PPP2R5E: variants seen among roughly 807,000 people sequenced by gnomAD.
The protein encoded by PPP2R5E is serine/threonine-protein phosphatase 2A 56 kDa regulatory subunit epsilon isoform.
A neutral mutation model predicts 65.3 loss-of-function variants in PPP2R5E; 4 were observed. That is an observed-to-expected ratio of 0.06 (90% confidence interval 0.03 to 0.14). PPP2R5E has a LOEUF of 0.14. PPP2R5E is among the 10% of genes least tolerant of loss of function. The probability of loss-of-function intolerance (pLI) is 1.00; values close to 1 mark genes in which losing one functional copy is unlikely to be tolerated. For missense variants in PPP2R5E, 274 were observed against 556.1 expected (o/e 0.49, Z 5.10); for synonymous variants, 183 against 187.4 (o/e 0.98, Z 0.19).
chr14:63,408,980 C>T (rs1261918896), intron 5 of PPP2R5E, among the ~76,000 whole-genome samples: 5 of 152,144 alleles, frequency 3.3e-5, no homozygotes, highest in Admixed American at 6.5e-5. Context: ...GCCTGTAATT[C>T]CAGCACTTTG....
intron 2 of PPP2R5E, among the ~76,000 whole-genome samples, chr14:63,473,505 G>A (rs1379833673): frequency 2.0e-5 from 3 of 152,182 alleles, no homozygotes; most frequent in African/African-American, 7.2e-5. Context: ...AAAACAAGAA[G>A]TAAAGCTCTG....
chr14:63,493,853 T>C (rs192591204), intron 2 of PPP2R5E, among the ~76,000 whole-genome samples: 377 of 152,250 alleles, frequency 2.5e-3, no homozygotes, highest in Non-Finnish European at 3.8e-3. Context: ...TAACCAGTAA[T>C]GATGGTCAAG....
intron 2 of PPP2R5E, 103 bp downstream of exon 2, chr14:63,539,425 TC>T: frequency 1.6e-6 from 2 of 1,225,952 alleles, no homozygotes; most frequent in Non-Finnish European, 2.3e-6. Flanking sequence ...AAGTATCCCA[TC>T]CCTTCAATTT....
intron 4 of PPP2R5E, among the ~76,000 whole-genome samples, chr14:63,419,669 A>C (rs1886896907): frequency 6.6e-6 from 1 of 151,958 alleles, no homozygotes; most frequent in Admixed American, 6.6e-5. Flanking sequence ...CTAGTGACCT[A>C]AACTTTACTA....
At chr14:63,517,449 G>T (rs1892711689) in intron 2 of PPP2R5E, among the ~76,000 whole-genome samples, 1 of 120,332 alleles carries the variant, frequency 8.3e-6, no homozygotes, top group African/African-American at 5.4e-5. Context: ...TACAAGAGTG[G>T]TCATTTAAGC....
chr14:63,511,347 T>C (rs1246883419), intron 2 of PPP2R5E, among the ~76,000 whole-genome samples: 1 of 152,164 alleles, frequency 6.6e-6, no homozygotes, highest in Non-Finnish European at 1.5e-5. Flanking sequence ...TGCTGGATGA[T>C]GAGACTCACA....
chr14:63,433,864 C>T (rs1003825480), intron 3 of PPP2R5E, among the ~76,000 whole-genome samples: 1 of 152,198 alleles, frequency 6.6e-6, no homozygotes, highest in African/African-American at 2.4e-5. Flanking sequence ...GTGCATGTGA[C>T]TTGCCCTGTC....
intron 5 of PPP2R5E, among the ~76,000 whole-genome samples, chr14:63,399,366 C>CTT (rs397814218): frequency 0.061 from 2,978 of 48,500 alleles, 578 homozygotes; most frequent in Middle Eastern, 0.094. Flanking sequence ...GGATTTCTTT[C>CTT]TTTTTTTTTT....
chr14:63,378,496 T>C (rs1884118549), intron 13 of PPP2R5E, among the ~76,000 whole-genome samples: 1 of 152,232 alleles, frequency 6.6e-6, no homozygotes. Context: ...TGTTTCATGT[T>C]TTTGATCAAA....
intron 2 of PPP2R5E, among the ~76,000 whole-genome samples, chr14:63,478,456 A>T (rs1890516674): frequency 6.6e-6 from 1 of 152,206 alleles, no homozygotes; most frequent in Non-Finnish European, 1.5e-5. Context: ...AATGAGTGAG[A>T]AAAGTGGCAC....
At chr14:63,495,138 G>A (rs1891483741) in intron 2 of PPP2R5E, among the ~76,000 whole-genome samples, 1 of 151,808 alleles carries the variant, frequency 6.6e-6, no homozygotes, top group South Asian at 2.1e-4. Flanking sequence ...GGGAGGAGGA[G>A]GTTGCAGTGA....
rs78687623 is a variant in PPP2R5E at position 63,472,127 on chromosome 14, C to T, written c.158-18242G>A. On this transcript the variant is annotated intron_variant, in intron 2 of 13. Transcript: ENST00000337537. Reference sequence around the variant, plus strand: ...CCAACCTGGCCAACATGGCAAAACCCCATCTCTACCAAAAATACAAAAATT... The same window carrying T: ...CCAACCTGGCCAACATGGCAAAACCTCATCTCTACCAAAAATACAAAAATT... Among the ~76,000 whole-genome samples the T allele has an allele frequency of 8.3e-3, 1,257 of 152,280 alleles. 9 individuals are homozygous for T. The highest frequency in any genetic ancestry group is 0.014 in the Non-Finnish European group (925 of 68,014).
intron 11 of PPP2R5E, among the ~76,000 whole-genome samples, chr14:63,385,159 T>C (rs1249830363): frequency 6.6e-6 from 1 of 151,940 alleles, no homozygotes; most frequent in Non-Finnish European, 1.5e-5. Context: ...AGACCTCGCC[T>C]CTACAAAAAC....
At chr14:63,516,487 C>T in intron 2 of PPP2R5E, among the ~76,000 whole-genome samples, 1 of 152,224 alleles carries the variant, frequency 6.6e-6, no homozygotes, top group East Asian at 1.9e-4. Flanking sequence ...ATATTCTAAG[C>T]CACCTGCTGC....
At chr14:63,384,728 T>G (rs569342218) in intron 11 of PPP2R5E, among the ~76,000 whole-genome samples, 157 bp from the exon 12 acceptor site, 2 of 152,228 alleles carry the variant, frequency 1.3e-5, no homozygotes, top group East Asian at 3.9e-4. Flanking sequence ...TATATATATA[T>G]TTTTTGAGAT....
At chr14:63,493,587 A>C (rs1384328902) in intron 2 of PPP2R5E, among the ~76,000 whole-genome samples, 4 of 152,132 alleles carry the variant, frequency 2.6e-5, no homozygotes, top group African/African-American at 9.7e-5. Flanking sequence ...CAGTTGTGAC[A>C]GCAGCTAAAT....
chr14:63,409,134 G>A (rs1004925995), intron 5 of PPP2R5E, among the ~76,000 whole-genome samples: 5 of 152,202 alleles, frequency 3.3e-5, no homozygotes, highest in East Asian at 1.9e-4. Context: ...TCAGGAGGCC[G>A]AGGCAGGAGA....
intron 5 of PPP2R5E, among the ~76,000 whole-genome samples, chr14:63,414,805 G>A (rs761918305): frequency 5.6e-4 from 85 of 152,048 alleles, no homozygotes; most frequent in Non-Finnish European, 1.1e-3. Flanking sequence ...GAATCCTTAC[G>A]CAAATGTAAG....
At chr14:63,384,680 T>G in intron 11 of PPP2R5E, 109 bp from the exon 12 acceptor site, 2 of 821,980 alleles carry the variant, frequency 2.4e-6, no homozygotes, top group African/African-American at 1.9e-5. Flanking sequence ...TGTAAATCAT[T>G]CAATTAGAGG....
Sources: gnomAD v4.1 joint callset for allele counts (sites outside exome capture counted in the v4.1 genomes callset) on GRCh38, gnomAD v4.1.1 for gene constraint, MANE v1.5 for transcripts, NCBI Gene and HGNC (gene_info 2026-07-23, HGNC 2026-07-21) for gene names.